The following TRIO variants were observed in gnomAD, a reference collection of about 807,000 sequenced individuals.
TRIO encodes the protein triple functional domain protein.
TRIO carries 58 observed loss-of-function variants against 351.9 expected under a neutral mutation model. That is an observed-to-expected ratio of 0.16 (90% CI 0.13 to 0.21). The LOEUF (loss-of-function observed/expected upper bound fraction) is 0.21. Among genes scored for constraint, TRIO ranks in the 10% least tolerant of loss-of-function variants. The pLI, the probability that TRIO is intolerant of heterozygous loss-of-function variation, is 1.00. For missense variants in TRIO, 3,201 were observed against 4,027.8 expected (o/e 0.79, Z 5.56); for synonymous variants, 1,758 against 1,595.7 (o/e 1.10, Z -2.42).
At chr5:14,399,219 C>T in intron 30 of TRIO, 149 bp downstream of exon 30, 1 of 761,922 alleles carries the variant, frequency 1.3e-6, no homozygotes, top group Non-Finnish European at 2.1e-6. Context: ...TTTTCATCTT[C>T]AGTGAAATTA....
intron 9 of TRIO, among the ~76,000 whole-genome samples, chr5:14,320,695 C>T (rs1011598214): frequency 7.2e-5 from 11 of 152,086 alleles, no homozygotes; most frequent in East Asian, 1.9e-4. Flanking sequence ...ATTGAATGTG[C>T]GATGCTCTGA....
chr5:14,156,955 C>T (rs1788135815), intron 1 of TRIO, among the ~76,000 whole-genome samples: 1 of 152,178 alleles, frequency 6.6e-6, no homozygotes, highest in African/African-American at 2.4e-5. Context: ...TAATTTCATA[C>T]AGTTTATAAA....
At chr5:14,249,394 T>C (rs1794615327) in intron 1 of TRIO, among the ~76,000 whole-genome samples, 1 of 151,594 alleles carries the variant, frequency 6.6e-6, no homozygotes, top group African/African-American at 2.4e-5. Flanking sequence ...GTGAGTGGAG[T>C]GGGGGAGGGA....
Position 14,406,798 on chromosome 5 carries a change from G to A in TRIO, c.4959+126G>A, listed in dbSNP as rs959603077. ...TTCAAGCAGTTGATACGTGCCAGGA[G>A]TGGTGCCAGGATCCCGTGGTGGGGC... is the stretch of plus-strand genomic sequence containing the variant. On this transcript the variant is annotated intron_variant, in intron 33 of 56. Transcript: ENST00000344204. 1.0e-5 allele frequency: 9 copies of A among 890,796 alleles called. No homozygotes were observed. The African/African-American group carries it at 1.2e-4, about 11-fold the overall frequency. The allele number at this position is 890,796 out of a possible 1,614,324, so 55.2% of individuals were successfully genotyped here.
intron 1 of TRIO, among the ~76,000 whole-genome samples, chr5:14,174,051 G>A (rs1250533079): frequency 6.6e-6 from 1 of 152,200 alleles, no homozygotes; most frequent in Non-Finnish European, 1.5e-5. Context: ...GACATGTGAG[G>A]TCACTAAAGT....
intron 24 of TRIO, among the ~76,000 whole-genome samples, 157 bp from the exon 25 acceptor site, chr5:14,389,132 T>A (rs551605409): frequency 6.6e-6 from 1 of 152,332 alleles, no homozygotes; most frequent in East Asian, 1.9e-4. Context: ...ACTGAGGGCC[T>A]TTTTTAGAAG....
intron 1 of TRIO, among the ~76,000 whole-genome samples, chr5:14,233,940 A>G (rs1017896285): frequency 1.3e-5 from 2 of 152,042 alleles, no homozygotes; most frequent in Non-Finnish European, 2.9e-5. Flanking sequence ...GCAGGTGCAT[A>G]CCACCACAAC....
chr5:14,451,099 A>G (rs1752821626), intron 34 of TRIO, among the ~76,000 whole-genome samples: 1 of 152,248 alleles, frequency 6.6e-6, no homozygotes, highest in South Asian at 2.1e-4. Flanking sequence ...GGGTAACTGT[A>G]TTACTGGGCA....
intron 24 of TRIO, 93 bp from the exon 25 acceptor site, chr5:14,389,196 C>T: frequency 1.1e-6 from 1 of 943,680 alleles, no homozygotes; most frequent in Non-Finnish European, 1.6e-6. Context: ...TTCACTTATA[C>T]ATTAACTCTG....
chr5:14,344,516 A>G (rs927872678), intron 11 of TRIO, among the ~76,000 whole-genome samples: 15 of 152,210 alleles, frequency 9.9e-5, no homozygotes, highest in Non-Finnish European at 1.3e-4. Context: ...GGATAATACA[A>G]TCTCTAAGGA....
chr5:14,183,626 T>C (rs951117183), intron 1 of TRIO, among the ~76,000 whole-genome samples: 1 of 152,162 alleles, frequency 6.6e-6, no homozygotes, highest in African/African-American at 2.4e-5. Flanking sequence ...GAATTTAACA[T>C]TGCTATTTAA....
At chr5:14,364,867 C>T (rs776655420) in intron 15 of TRIO, 51 bp downstream of exon 15, 1 of 1,544,896 alleles carries the variant, frequency 6.5e-7, no homozygotes, top group African/African-American at 1.4e-5. Flanking sequence ...ATGCTTGATA[C>T]CTCATCGACT....
chr5:14,487,497 ACAGCGGGGG>A lies in TRIO; in HGVS notation c.6871_6879del (p.Ser2291_Gly2293del). 1 of 1,088,882 alleles carries A rather than the reference ACAGCGGGGG, an allele frequency of 9.2e-7. No homozygotes were observed. Among genetic ancestry groups the A allele is most frequent in the Non-Finnish European group, 1.1e-6 (1 of 880,068 alleles). 67.5% of individuals were successfully genotyped at this position (1,088,882 alleles called of 1,614,324 possible). ...TCGCCAATCGAGTACCAGAGGAACC[ACAGCGGGGG>A]CGGCGGCGGCGGCGGCAGCGGGGGC... is the stretch of plus-strand genomic sequence containing the variant. On this transcript the variant is annotated inframe_deletion, in exon 48 of 57. Transcript: ENST00000344204.
At chr5:14,280,525 C>A in intron 3 of TRIO, 89 bp downstream of exon 3, 3 of 1,146,034 alleles carry the variant, frequency 2.6e-6, no homozygotes, top group East Asian at 2.4e-5. Flanking sequence ...TAAATTGTAG[C>A]CTGCATTCCA....
chr5:14,199,639 C>G (rs988392585), intron 1 of TRIO, among the ~76,000 whole-genome samples: 2 of 152,216 alleles, frequency 1.3e-5, no homozygotes, highest in African/African-American at 4.8e-5. Flanking sequence ...ATCCTAATGA[C>G]CATCTCCTTT....
chr5:14,318,447 T>TC (rs1300605119), intron 9 of TRIO, among the ~76,000 whole-genome samples: 4 of 117,672 alleles, frequency 3.4e-5, no homozygotes. Context: ...AGAGCAAGAC[T>TC]CCATCTCAAA....
intron 48 of TRIO, chr5:14,488,723 G>C: frequency 1.7e-6 from 1 of 576,918 alleles, no homozygotes; most frequent in Non-Finnish European, 3.1e-6. Context: ...CATCTGCTGG[G>C]GAAGACCATT....
chr5:14,504,638 A>T (rs766108287), intron 55 of TRIO, 45 bp downstream of exon 55: 1 of 1,593,660 alleles, frequency 6.3e-7, no homozygotes, highest in South Asian at 1.1e-5. Context: ...CTCTGCCTCC[A>T]CCTCAGGGGG....
intron 2 of TRIO, among the ~76,000 whole-genome samples, chr5:14,280,104 G>A (rs193175468): frequency 6.6e-6 from 1 of 152,350 alleles, no homozygotes; most frequent in African/African-American, 2.4e-5. Flanking sequence ...AAGGCCATAT[G>A]TAGTACCTTC....
Sources: allele counts gnomAD v4.1 joint callset (sites outside exome capture counted in the v4.1 genomes callset), GRCh38; gene constraint gnomAD v4.1.1; transcripts MANE v1.5; gene names NCBI Gene and HGNC (gene_info 2026-07-23, HGNC 2026-07-21).